WDPCP: variants seen among roughly 807,000 people sequenced by gnomAD.
WDPCP encodes the protein WD repeat containing planar cell polarity effector.
In WDPCP, 71 loss-of-function variants were observed where a neutral mutation model predicts 93.1. The observed-to-expected ratio is 0.76, with a 90% CI of 0.63 to 0.93. WDPCP has a LOEUF of 0.93. Ranked by LOEUF, WDPCP falls within the 40% of genes least tolerant of loss-of-function variation. The probability of loss-of-function intolerance (pLI) is 0.00; values close to 1 mark genes in which losing one functional copy is unlikely to be tolerated. For synonymous variants in WDPCP, 315 were observed against 315.0 expected (o/e 1.00, Z 0.00); for missense variants, 844 against 887.4 (o/e 0.95, Z 0.62).
intron 2 of WDPCP, among the ~76,000 whole-genome samples, chr2:63,745,652 AC>A (rs1669783912): frequency 1.3e-5 from 2 of 151,952 alleles, no homozygotes. Context: ...TTACACACAC[AC>A]ACACACACAC....
At chr2:63,122,117 T>C in intron 17 of WDPCP, 61 bp from the exon 18 acceptor site, 1 of 1,328,140 alleles carries the variant, frequency 7.5e-7, no homozygotes, top group South Asian at 1.2e-5. Context: ...ACTTAACATT[T>C]GTATCTTTAT....
At chr2:63,643,467 G>T in intron 3 of WDPCP, 1 of 344,644 alleles carries the variant, frequency 2.9e-6, no homozygotes, top group South Asian at 2.5e-5. Flanking sequence ...GTCTCTCCCT[G>T]GTTATCCTTC....
chr2:63,365,694 C>T (rs1318191790), intron 12 of WDPCP, among the ~76,000 whole-genome samples: 2 of 152,138 alleles, frequency 1.3e-5, no homozygotes, highest in Admixed American at 6.6e-5. Flanking sequence ...CCTATGCAGA[C>T]ATTAGACAAC....
intron 2 of WDPCP, among the ~76,000 whole-genome samples, chr2:63,724,939 C>T (rs1558895475): frequency 6.6e-6 from 1 of 152,202 alleles, no homozygotes; most frequent in South Asian, 2.1e-4. Context: ...CCTGGAAGAA[C>T]TGCTTTCATA....
At chr2:63,266,010 C>A (rs1380084617) in intron 13 of WDPCP, among the ~76,000 whole-genome samples, 1 of 152,068 alleles carries the variant, frequency 6.6e-6, no homozygotes, top group Non-Finnish European at 1.5e-5. Context: ...TATACCTCAA[C>A]ACAATAAAGG....
At chr2:63,670,479 A>G (rs748009279) in intron 2 of WDPCP, among the ~76,000 whole-genome samples, 1 of 152,190 alleles carries the variant, frequency 6.6e-6, no homozygotes, top group Non-Finnish European at 1.5e-5. Flanking sequence ...GGTGGCTTCT[A>G]GATTTTTTAA....
chr2:63,795,575 C>A (rs528397639), intron 2 of WDPCP, among the ~76,000 whole-genome samples: 115 of 145,750 alleles, frequency 7.9e-4, no homozygotes, highest in South Asian at 5.5e-3. Context: ...GAAAGAAAGA[C>A]AGACAGAAAG....
intron 15 of WDPCP, among the ~76,000 whole-genome samples, chr2:63,173,424 G>A (rs1425637651): frequency 2.6e-5 from 4 of 152,112 alleles, no homozygotes; most frequent in Non-Finnish European, 5.9e-5. Flanking sequence ...TATCAAGTTT[G>A]TCAATTTTAC....
At chr2:63,728,999 G>C (rs1669524969) in intron 2 of WDPCP, among the ~76,000 whole-genome samples, 1 of 152,060 alleles carries the variant, frequency 6.6e-6, no homozygotes, top group East Asian at 1.9e-4. Context: ...AATGGCTTTT[G>C]ACCAAGAGTT....
intron 2 of WDPCP, among the ~76,000 whole-genome samples, chr2:63,770,781 A>G (rs1479354661): frequency 3.3e-5 from 5 of 151,964 alleles, no homozygotes; most frequent in Admixed American, 6.6e-5. Flanking sequence ...GATGCATGAC[A>G]GGGAATATTG....
intron 2 of WDPCP, among the ~76,000 whole-genome samples, chr2:63,792,824 T>C (rs1670563714): frequency 2.0e-5 from 3 of 151,970 alleles, no homozygotes. Flanking sequence ...ATGATGGGTT[T>C]TAAGCAGAGG....
intron 2 of WDPCP, among the ~76,000 whole-genome samples, chr2:63,769,400 T>G (rs990936927): frequency 6.6e-6 from 1 of 151,984 alleles, no homozygotes; most frequent in African/African-American, 2.4e-5. Flanking sequence ...AAAGTTTATA[T>G]GGAGTATAGT....
At chr2:63,558,906 G>A (rs1421876609) in intron 1 of WDPCP, among the ~76,000 whole-genome samples, 2 of 152,138 alleles carry the variant, frequency 1.3e-5, no homozygotes, top group African/African-American at 4.8e-5. Context: ...AACTGAAAAG[G>A]AGGAACTCCT....
chr2:63,204,444 C>T (rs1251713965), intron 14 of WDPCP, among the ~76,000 whole-genome samples: 1 of 147,988 alleles, frequency 6.8e-6, no homozygotes, highest in African/African-American at 2.5e-5. Flanking sequence ...AAGGTTCAAG[C>T]GATTCTCTTG....
intron 14 of WDPCP, among the ~76,000 whole-genome samples, chr2:63,211,583 G>A (rs1354903602): frequency 6.6e-6 from 1 of 152,202 alleles, no homozygotes; most frequent in African/African-American, 2.4e-5. Flanking sequence ...ACAGCTCCTT[G>A]CCAGCAACAG....
At chr2:63,205,712 C>T (rs533156863) in intron 14 of WDPCP, among the ~76,000 whole-genome samples, 12 of 152,154 alleles carry the variant, frequency 7.9e-5, no homozygotes, top group Non-Finnish European at 1.6e-4. Context: ...TCAGTTCTCA[C>T]AGTTCTTTTG....
At chr2:63,514,479 A>G (rs1329561488) in intron 1 of WDPCP, among the ~76,000 whole-genome samples, 3 of 152,128 alleles carry the variant, frequency 2.0e-5, no homozygotes, top group African/African-American at 7.2e-5. Flanking sequence ...CTTGACAGGC[A>G]CTTTCCATGA....
chr2:63,532,503 C>T (rs1023785667), intron 1 of WDPCP, among the ~76,000 whole-genome samples: 5 of 152,176 alleles, frequency 3.3e-5, no homozygotes, highest in East Asian at 3.8e-4. Context: ...AGATTAACAG[C>T]GGATCTCTCA....
At chr2:63,284,328 A>C (rs375705698) in intron 13 of WDPCP, among the ~76,000 whole-genome samples, 1 of 152,204 alleles carries the variant, frequency 6.6e-6, no homozygotes, top group Non-Finnish European at 1.5e-5. Context: ...GAAAGCATGG[A>C]TAATACTGAA....
Sources: allele counts gnomAD v4.1 joint callset (sites outside exome capture counted in the v4.1 genomes callset), GRCh38; gene constraint gnomAD v4.1.1; transcripts MANE v1.5; gene names NCBI Gene and HGNC (gene_info 2026-07-23, HGNC 2026-07-21).